DNASE1: variants seen among roughly 807,000 people sequenced by gnomAD.
DNASE1 encodes deoxyribonuclease 1.
In DNASE1, 40 loss-of-function variants were observed where a neutral mutation model predicts 33.9. The ratio of observed to expected loss-of-function variants is 1.18; its 90% CI spans 0.92 to 1.54. The LOEUF (loss-of-function observed/expected upper bound fraction) is 1.54. DNASE1 is among the 40% of genes most tolerant of loss of function. The pLI is 0.00. For missense variants in DNASE1, 518 were observed against 372.6 expected (o/e 1.39, Z -3.21); for synonymous variants, 216 against 160.0 (o/e 1.35, Z -2.64).
intron 1 of DNASE1, among the ~76,000 whole-genome samples, chr16:3,637,408 A>T (rs1157812054): frequency 7.2e-5 from 11 of 152,182 alleles, no homozygotes; most frequent in Admixed American, 7.2e-4. Context: ...TCCTGTGACT[A>T]GGTCTCAGTC....
chr16:3,661,251 T>C (rs1294608209), downstream of DNASE1: 1 of 152,096 alleles, frequency 6.6e-6, no homozygotes, highest in Admixed American at 6.5e-5. Flanking sequence ...AAAGAAGTGA[T>C]ACTGTAAAAA....
intron 1 of DNASE1, among the ~76,000 whole-genome samples, chr16:3,625,326 C>A (rs568060718): frequency 5.3e-5 from 8 of 150,302 alleles, no homozygotes; most frequent in Admixed American, 1.3e-4. Context: ...AACAATAAAA[C>A]AAACTAATGG....
chr16:3,633,340 C>G (rs550746355), intron 1 of DNASE1, among the ~76,000 whole-genome samples: 4 of 152,276 alleles, frequency 2.6e-5, no homozygotes, highest in African/African-American at 9.6e-5. Flanking sequence ...GGCGCAGTGG[C>G]CCATGCCTGT....
At chr16:3,657,140 C>T in intron 6 of DNASE1, 29 bp downstream of exon 6, 1 of 1,614,122 alleles carries the variant, frequency 6.2e-7, no homozygotes, top group Non-Finnish European at 8.5e-7. Context: ...CAGTGGGCAC[C>T]AGCGGCCTCC....
At chr16:3,656,005 G>GC in intron 3 of DNASE1, 68 bp downstream of exon 3, 1 of 1,610,580 alleles carries the variant, frequency 6.2e-7, no homozygotes, top group Non-Finnish European at 8.5e-7. Flanking sequence ...CTTCACTTGG[G>GC]CCCCAAGGGT....
chr16:3,665,014 A>C (rs1413284001), exon 10 of DNASE1: 1 of 154,058 alleles, frequency 6.5e-6, no homozygotes, highest in African/African-American at 2.4e-5. Context: ...GGGGGAAAAC[A>C]GAAAGAGGGA....
rs147223738 is a variant in DNASE1, at chr16:3,619,152, A to G, written c.-1359+7146A>G. Reference sequence around the variant, plus strand: ...CAGGCTCAAGTGATCCTCCTGCCTCAGCCTCCCTAGTAGCTGGGACTGCAG... The same window carrying G: ...CAGGCTCAAGTGATCCTCCTGCCTCGGCCTCCCTAGTAGCTGGGACTGCAG... On this transcript the variant is annotated intron_variant and NMD_transcript_variant, in intron 1 of 11. Transcript: ENST00000570769. Among the ~76,000 whole-genome samples the G allele has an allele frequency of 2.7e-3, 411 of 152,018 alleles. 3 individuals are homozygous for G. Among genetic ancestry groups the G allele is most frequent in the African/African-American group, 9.5e-3 (395 of 41,456 alleles).
At chr16:3,623,512 A>G (rs1023378655) in intron 1 of DNASE1, among the ~76,000 whole-genome samples, 4 of 152,252 alleles carry the variant, frequency 2.6e-5, no homozygotes, top group Non-Finnish European at 5.9e-5. Context: ...ACTTCTACAC[A>G]GCAAAAGAAA....
chr16:3,651,767 G>A (rs2042342677), upstream of DNASE1: 1 of 152,640 alleles, frequency 6.6e-6, no homozygotes, highest in African/African-American at 2.4e-5. Flanking sequence ...ACCTGGCAGT[G>A]TGAGAGAAAT....
upstream of DNASE1, chr16:3,654,282 T>A (rs1167615232): frequency 2.5e-6 from 1 of 398,002 alleles, no homozygotes; most frequent in East Asian, 3.6e-5. Flanking sequence ...GCAATTGGGG[T>A]GGGCTTTGCA....
chr16:3,662,338 G>A (rs571706872), downstream of DNASE1: 84 of 657,370 alleles, frequency 1.3e-4, no homozygotes, highest in Admixed American at 1.1e-3. Flanking sequence ...TGTGCCCGAG[G>A]GGCTCCACCA....
chr16:3,645,360 GT>G (rs1459486969), intron 1 of DNASE1, among the ~76,000 whole-genome samples: 1 of 152,172 alleles, frequency 6.6e-6, no homozygotes, highest in Admixed American at 6.5e-5. Context: ...TGCGACCCTT[GT>G]TGGAAACATC....
In DNASE1 at chr16:3,657,123, C is replaced by G. The variant is rs1462087097; in HGVS notation, c.549+12C>G. 1.2e-6 allele frequency: 2 copies of G among 1,614,104 alleles called. No individual in the cohort carries two copies. The highest frequency in any genetic ancestry group is 8.5e-7 in the Non-Finnish European group (1 of 1,180,016). ...AATGGGGCTTGGAGGTGAGGCCCTC[C>G]CAGGGGCAGTGGGCACCAGCGGCCT... is the stretch of plus-strand genomic sequence containing the variant. On this transcript the variant is annotated intron_variant, in intron 6 of 8. Coordinates refer to ENST00000246949, the MANE Select transcript of DNASE1 (RefSeq NM_005223.4).
upstream of DNASE1, among the ~76,000 whole-genome samples, chr16:3,638,103 G>T (rs1441540787): frequency 8.0e-6 from 1 of 124,502 alleles, no homozygotes; most frequent in African/African-American, 3.6e-5. Context: ...CAGTTTTTGT[G>T]AGTGTGTGTG....
chr16:3,661,710 G>T, downstream of DNASE1: 1 of 378,778 alleles, frequency 2.6e-6, no homozygotes, highest in Non-Finnish European at 4.7e-6. Context: ...AGCATGTCCA[G>T]GACACGCACA....
At chr16:3,644,515 A>G (rs2042113057) in intron 1 of DNASE1, among the ~76,000 whole-genome samples, 1 of 151,848 alleles carries the variant, frequency 6.6e-6, no homozygotes, top group Non-Finnish European at 1.5e-5. Context: ...GTGAGCCAAG[A>G]TTGCACCCCT....
At chr16:3,654,393 C>T (rs1440219036), upstream of DNASE1, 6 of 398,624 alleles carry the variant, frequency 1.5e-5, no homozygotes, top group Admixed American at 4.4e-5. Context: ...CACCTGATGG[C>T]GATGAATCAG....
intron 1 of DNASE1, among the ~76,000 whole-genome samples, chr16:3,643,569 CG>C (rs2042082987): frequency 6.6e-6 from 1 of 152,118 alleles, no homozygotes; most frequent in Non-Finnish European, 1.5e-5. Context: ...CTGTCCCTGT[CG>C]GGGGACATGT....
At chr16:3,648,018 CTT>C (rs2042223045) in intron 1 of DNASE1, among the ~76,000 whole-genome samples, 3 of 151,970 alleles carry the variant, frequency 2.0e-5, no homozygotes, top group Admixed American at 1.3e-4. Context: ...AAATACAAAA[CTT>C]AGCCAGGCAT....
Sources: allele counts gnomAD v4.1 joint callset (sites outside exome capture counted in the v4.1 genomes callset), GRCh38; gene constraint gnomAD v4.1.1; transcripts MANE v1.5; gene names NCBI Gene and HGNC (gene_info 2026-07-23, HGNC 2026-07-21).